SH3GL2: variants seen among roughly 807,000 people sequenced by gnomAD.
SH3GL2 encodes SH3 domain containing GRB2 like 2, endophilin A1.
SH3GL2 carries 24 observed loss-of-function variants against 46.0 expected under a neutral mutation model. That is an observed-to-expected ratio of 0.52 (90% confidence interval 0.38 to 0.73). The LOEUF (loss-of-function observed/expected upper bound fraction) is 0.73, where lower values mean the gene tolerates loss of function less well. Ranked by LOEUF, SH3GL2 falls within the 30% of genes least tolerant of loss-of-function variation. SH3GL2 has a pLI of 0.00. For missense variants in SH3GL2, 413 were observed against 424.2 expected, an observed-to-expected ratio of 0.97 and a Z score of 0.23; for synonymous variants, 196 against 147.1, an observed-to-expected ratio of 1.33 and a Z score of -2.40.
intron 1 of SH3GL2, among the ~76,000 whole-genome samples, chr9:17,596,918 T>G (rs1276657644): frequency 6.6e-6 from 1 of 152,158 alleles, no homozygotes; most frequent in Non-Finnish European, 1.5e-5. Context: ...CAAGCATGCC[T>G]TTATGGATGG....
chr9:17,752,821 G>A (rs896523147), intron 2 of SH3GL2, among the ~76,000 whole-genome samples: 1 of 152,072 alleles, frequency 6.6e-6, no homozygotes, highest in African/African-American at 2.4e-5. Context: ...ATTAAGCCTA[G>A]TACTCATTAG....
intron 1 of SH3GL2, among the ~76,000 whole-genome samples, chr9:17,687,037 C>T (rs557436438): frequency 2.9e-4 from 44 of 151,740 alleles, no homozygotes; most frequent in Non-Finnish European, 4.7e-4. Flanking sequence ...GTATTTTTAG[C>T]GGAGTGATAA....
In SH3GL2 at chr9:17,686,909, T is replaced by G. The variant is rs1043312684; in HGVS notation, c.46-60157T>G. 9.6e-5 allele frequency among the ~76,000 whole-genome samples: 14 copies of G among 145,952 alleles called. No individual in the cohort carries two copies. The East Asian group carries it at 1.4e-3, about 15-fold the overall frequency. ...ACATATGTAACTAACCTGCACAATG[T>G]GCACATGTACCCTAAAACTTAAAGT... On this transcript the variant is annotated intron_variant, in intron 1 of 8. Coordinates refer to ENST00000380607, the MANE Select transcript of SH3GL2 (RefSeq NM_003026.5).
intron 1 of SH3GL2, among the ~76,000 whole-genome samples, chr9:17,661,471 A>G (rs1394731668): frequency 6.6e-6 from 1 of 152,232 alleles, no homozygotes; most frequent in African/African-American, 2.4e-5. Flanking sequence ...TGAAGAAGGA[A>G]ATAACAGGTA....
intron 2 of SH3GL2, among the ~76,000 whole-genome samples, chr9:17,760,810 AGT>A (rs1002567431): frequency 1.8e-4 from 28 of 152,272 alleles, no homozygotes; most frequent in African/African-American, 6.0e-4. Flanking sequence ...ACCTCTTTCA[AGT>A]GGGGAGAGGG....
intron 1 of SH3GL2, among the ~76,000 whole-genome samples, chr9:17,693,664 C>T (rs1286200082): frequency 6.6e-6 from 1 of 152,154 alleles, no homozygotes; most frequent in Non-Finnish European, 1.5e-5. Context: ...AAATTGCTAC[C>T]TGAAAATTTG....
intron 1 of SH3GL2, among the ~76,000 whole-genome samples, chr9:17,722,265 T>C (rs1013940337): frequency 6.6e-6 from 1 of 152,106 alleles, no homozygotes; most frequent in Non-Finnish European, 1.5e-5. Context: ...ATCTTCTGTT[T>C]AGTAAGCTTT....
intron 1 of SH3GL2, among the ~76,000 whole-genome samples, chr9:17,710,515 T>C (rs7018606): frequency 0.029 from 4,426 of 152,006 alleles, 215 homozygotes; most frequent in African/African-American, 0.1. Flanking sequence ...ATTAAAACAA[T>C]GAATTACTAT....
chr9:17,773,690 A>G (rs1200237750), intron 3 of SH3GL2, among the ~76,000 whole-genome samples: 1 of 152,042 alleles, frequency 6.6e-6, no homozygotes, highest in African/African-American at 2.4e-5. Flanking sequence ...ACAGTACCAC[A>G]CTGTATTACC....
At position 17,795,936 on chromosome 9, in the gene SH3GL2, G is replaced by A. The variant is rs1824262736; in HGVS notation, c.*193G>A. Reference sequence around the variant, plus strand: ...TGATGGATGATATCCTCTTAGCCTGGTGGGCGTGGCATGTGCTTTTTAAAA... The same window carrying A: ...TGATGGATGATATCCTCTTAGCCTGATGGGCGTGGCATGTGCTTTTTAAAA... On this transcript the variant is annotated 3_prime_UTR_variant, in exon 9 of 9. Transcript: ENST00000380607. 3.5e-6 allele frequency: 2 copies of A among 574,472 alleles called. No individual in the cohort carries two copies. Among genetic ancestry groups the A allele is most frequent in the Non-Finnish European group, 6.2e-6 (2 of 322,678 alleles). 35.6% of individuals were successfully genotyped at this position (574,472 alleles called of 1,614,324 possible).
At position 17,579,139 on chromosome 9, in the gene SH3GL2, C is replaced by A. The variant is rs1768265388; in HGVS notation, c.-104C>A. The A allele has an allele frequency of 1.3e-6, 1 of 743,350 alleles. No individual in the cohort carries two copies. Among genetic ancestry groups the A allele is most frequent in the South Asian group, 2.3e-5 (1 of 42,678 alleles). The allele number at this position is 743,350 out of a possible 1,614,324, so 46.0% of individuals were successfully genotyped here. ...CTCGCGCCCATAGCCCCGGCGGCGG[C>A]ACGACCAGAGGCGGCCAGGGGAGCG... On this transcript the variant is annotated 5_prime_UTR_variant, in exon 1 of 9. Coordinates refer to ENST00000380607, the MANE Select transcript of SH3GL2 (RefSeq NM_003026.5).
chr9:17,658,803 T>TC (rs1820148393), intron 1 of SH3GL2, among the ~76,000 whole-genome samples: 2 of 152,118 alleles, frequency 1.3e-5, no homozygotes, highest in South Asian at 4.2e-4. Context: ...GTGCACTGAC[T>TC]CCCCCAAGAT....
chr9:17,583,825 C>T (rs1401162732), intron 1 of SH3GL2, among the ~76,000 whole-genome samples: 1 of 152,080 alleles, frequency 6.6e-6, no homozygotes, highest in East Asian at 1.9e-4. Context: ...TATATGGATG[C>T]TTTGCTCAGG....
intron 1 of SH3GL2, among the ~76,000 whole-genome samples, chr9:17,695,037 G>T (rs767825935): frequency 6.6e-6 from 1 of 152,164 alleles, no homozygotes; most frequent in Middle Eastern, 3.4e-3. Flanking sequence ...AAAATAGCCA[G>T]AGATCACTAG....
chr9:17,766,151 G>C (rs1368193575), intron 3 of SH3GL2, among the ~76,000 whole-genome samples: 1 of 152,186 alleles, frequency 6.6e-6, no homozygotes, highest in African/African-American at 2.4e-5. Flanking sequence ...GAGGAGAGGA[G>C]CCCAGAAGGC....
chr9:17,775,099 A>G (rs9406719), intron 3 of SH3GL2, among the ~76,000 whole-genome samples: 17,644 of 151,998 alleles, frequency 0.12, 1,130 homozygotes, highest in Admixed American at 0.15. Flanking sequence ...TAATAATCTT[A>G]TTTACTTGTG....
At chr9:17,751,479 C>T (rs150110186) in intron 2 of SH3GL2, among the ~76,000 whole-genome samples, 3,227 of 146,328 alleles carry the variant, frequency 0.022, 111 homozygotes, top group African/African-American at 0.076. Flanking sequence ...TTTGTGTGTG[C>T]GTGTGTGTGT....
chr9:17,655,733 A>G (rs73645114), intron 1 of SH3GL2, among the ~76,000 whole-genome samples: 3,791 of 152,234 alleles, frequency 0.025, 66 homozygotes, highest in African/African-American at 0.032. Flanking sequence ...CTGGCCTTCT[A>G]GCCCCGTGCA....
In SH3GL2 at chr9:17,615,555, T is replaced by C. The variant is rs529314385; in HGVS notation, c.45+36268T>C. Among the ~76,000 whole-genome samples the C allele has an allele frequency of 1.0e-4, 15 of 148,884 alleles. 1 individual carries two copies. In the South Asian group the frequency reaches 2.9e-3, roughly 29 times the overall value. ...CTGTAATCCCAGCTACTCGGGAAGC[T>C]GAGGCAGGAGAAGTTCTTGAACCCA... On this transcript the variant is annotated intron_variant, in intron 1 of 8. Coordinates refer to ENST00000380607, the MANE Select transcript of SH3GL2 (RefSeq NM_003026.5).
Sources: gnomAD v4.1 joint callset for allele counts (sites outside exome capture counted in the v4.1 genomes callset) on GRCh38, gnomAD v4.1.1 for gene constraint, MANE v1.5 for transcripts, NCBI Gene and HGNC (gene_info 2026-07-23, HGNC 2026-07-21) for gene names.